NELL1: variants seen among roughly 807,000 people sequenced by gnomAD.
NELL1 encodes the protein neural EGFL like 1, also known as protein kinase C-binding protein NELL1.
In NELL1, 76 loss-of-function variants were observed where a neutral mutation model predicts 107.4. That is an observed-to-expected ratio of 0.71 (90% CI 0.59 to 0.86). NELL1 has a LOEUF of 0.86. Among genes scored for constraint, NELL1 ranks in the 40% least tolerant of loss-of-function variants. The pLI is 0.00. For missense variants in NELL1, 1,024 were observed against 1,005.5 expected (o/e 1.02, Z -0.25); for synonymous variants, 353 against 341.2 (o/e 1.03, Z -0.38).
At chr11:21,481,604 G>T (rs1327497483) in intron 15 of NELL1, among the ~76,000 whole-genome samples, 1 of 152,200 alleles carries the variant, frequency 6.6e-6, no homozygotes, top group East Asian at 1.9e-4. Flanking sequence ...TAAAGCTGGA[G>T]TCAAGAAGAA....
chr11:21,371,973 G>A (rs1851366900), intron 15 of NELL1, among the ~76,000 whole-genome samples: 2 of 151,894 alleles, frequency 1.3e-5, no homozygotes, highest in Non-Finnish European at 2.9e-5. Context: ...ATATTTATGA[G>A]GCAGTCTAAT....
intron 3 of NELL1, among the ~76,000 whole-genome samples, chr11:20,825,116 C>A (rs1857850684): frequency 2.0e-5 from 3 of 151,342 alleles, no homozygotes; most frequent in African/African-American, 7.3e-5. Flanking sequence ...CCACAGAGGT[C>A]AAAAATTGAT....
chr11:20,958,623 A>G (rs1041313257), intron 11 of NELL1, among the ~76,000 whole-genome samples: 1 of 152,234 alleles, frequency 6.6e-6, no homozygotes, highest in African/African-American at 2.4e-5. Context: ...AAGTATGAAG[A>G]TAGTCTAAAG....
intron 4 of NELL1, among the ~76,000 whole-genome samples, chr11:20,859,024 A>G (rs1418958599): frequency 3.9e-5 from 6 of 152,134 alleles, no homozygotes; most frequent in Non-Finnish European, 8.8e-5. Context: ...AACGTGATTT[A>G]CCCCTGTTAG....
chr11:21,537,607 C>T (rs1463635816), intron 16 of NELL1, among the ~76,000 whole-genome samples: 1 of 150,922 alleles, frequency 6.6e-6, no homozygotes, highest in Non-Finnish European at 1.5e-5. Flanking sequence ...TTTGTATTCA[C>T]ATGCACATGT....
intron 12 of NELL1, among the ~76,000 whole-genome samples, chr11:21,011,547 C>T (rs1393325063): frequency 6.6e-6 from 1 of 152,128 alleles, no homozygotes; most frequent in Non-Finnish European, 1.5e-5. Context: ...GCAGACTGCC[C>T]TGGGGAGATT....
intron 15 of NELL1, among the ~76,000 whole-genome samples, chr11:21,399,146 A>G (rs1025759299): frequency 6.6e-6 from 1 of 151,850 alleles, no homozygotes; most frequent in South Asian, 2.1e-4. Flanking sequence ...ATAAAGCATT[A>G]CAAGGGTGGT....
intron 16 of NELL1, among the ~76,000 whole-genome samples, chr11:21,558,923 A>G (rs1338291810): frequency 6.6e-6 from 1 of 152,004 alleles, no homozygotes; most frequent in Non-Finnish European, 1.5e-5. Flanking sequence ...TACACTGAGA[A>G]TGGGATGGGC....
At position 20,900,711 on chromosome 11, in the gene NELL1, A is replaced by G. The variant is rs1324423766; in HGVS notation, c.603+15171A>G. ...ACTTTTGAACAGATTAGATTAAAAAATTTAAACAAAATATTATTAGCAACC... is the reference window on the plus strand; with the variant it reads ...ACTTTTGAACAGATTAGATTAAAAAGTTTAAACAAAATATTATTAGCAACC... On this transcript the variant is annotated intron_variant, in intron 5 of 19. Coordinates refer to ENST00000357134, the MANE Select transcript of NELL1 (RefSeq NM_006157.5). Among the ~76,000 whole-genome samples the G allele has an allele frequency of 2.6e-5, 4 of 152,178 alleles. No individual in the cohort carries two copies. In the South Asian group the frequency reaches 8.3e-4, roughly 31 times the overall value.
intron 15 of NELL1, among the ~76,000 whole-genome samples, chr11:21,423,869 A>G (rs1216124784): frequency 3.9e-5 from 6 of 152,238 alleles, no homozygotes; most frequent in Admixed American, 2.0e-4. Context: ...GACGTTTTAA[A>G]ATAATCACTG....
At chr11:20,881,104 T>C (rs1478690227) in intron 4 of NELL1, among the ~76,000 whole-genome samples, 1 of 152,228 alleles carries the variant, frequency 6.6e-6, no homozygotes, top group Non-Finnish European at 1.5e-5. Context: ...CAAGCTTTGA[T>C]ACATGAACTT....
chr11:21,521,572 T>A (rs550395327), intron 15 of NELL1, among the ~76,000 whole-genome samples: 2 of 152,298 alleles, frequency 1.3e-5, no homozygotes, highest in South Asian at 2.1e-4. Context: ...ATCTCTAGAT[T>A]TGTATTTTTT....
intron 13 of NELL1, among the ~76,000 whole-genome samples, chr11:21,142,954 G>A (rs1237690874): frequency 6.6e-6 from 1 of 152,210 alleles, no homozygotes; most frequent in East Asian, 1.9e-4. Context: ...ACTGAGTGTA[G>A]CTCCTCCTTC....
chr11:21,280,200 A>G (rs1418517983), intron 14 of NELL1, among the ~76,000 whole-genome samples: 1 of 152,180 alleles, frequency 6.6e-6, no homozygotes, highest in Non-Finnish European at 1.5e-5. Context: ...ACCTAATGTA[A>G]ACTATGGACT....
intron 10 of NELL1, among the ~76,000 whole-genome samples, chr11:20,944,561 A>G (rs1038036032): frequency 3.3e-5 from 5 of 152,198 alleles, no homozygotes; most frequent in Non-Finnish European, 7.3e-5. Flanking sequence ...AGAAAGAAAA[A>G]AGGAATTGTA....
At chr11:21,213,299 C>T (rs533672111) in intron 13 of NELL1, among the ~76,000 whole-genome samples, 57 of 152,070 alleles carry the variant, frequency 3.7e-4, no homozygotes, top group South Asian at 6.2e-4. Context: ...TGTCAATTCT[C>T]CATAAGTTGA....
At chr11:20,735,402 T>G (rs1855738638) in intron 2 of NELL1, among the ~76,000 whole-genome samples, 1 of 152,122 alleles carries the variant, frequency 6.6e-6, no homozygotes, top group Admixed American at 6.6e-5. Context: ...CATGTTCTTC[T>G]TCACATGATG....
chr11:21,099,244 C>T (rs1190952405), intron 12 of NELL1, among the ~76,000 whole-genome samples: 2 of 151,276 alleles, frequency 1.3e-5, no homozygotes, highest in African/African-American at 4.9e-5. Context: ...AACACACACA[C>T]ACACACACGG....
chr11:21,221,270 G>T (rs1025551542), intron 13 of NELL1, among the ~76,000 whole-genome samples: 1 of 152,212 alleles, frequency 6.6e-6, no homozygotes, highest in Middle Eastern at 3.4e-3. Context: ...TTGTACTGTT[G>T]TATTCAGTTT....
Sources: allele counts gnomAD v4.1 joint callset (sites outside exome capture counted in the v4.1 genomes callset), GRCh38; gene constraint gnomAD v4.1.1; transcripts MANE v1.5; gene names NCBI Gene and HGNC (gene_info 2026-07-23, HGNC 2026-07-21).